Variants in LPIN2 observed in about 807,000 individuals in gnomAD.
The protein encoded by LPIN2 is phosphatidate phosphatase LPIN2.
LPIN2 carries 55 observed loss-of-function variants against 111.4 expected under a neutral mutation model. That is an observed-to-expected ratio of 0.49 (90% confidence interval 0.40 to 0.62). The LOEUF (loss-of-function observed/expected upper bound fraction) is 0.62. Among genes scored for constraint, LPIN2 ranks in the 20% least tolerant of loss-of-function variants. LPIN2 has a pLI of 0.00. For synonymous variants in LPIN2, 425 were observed against 414.0 expected (o/e 1.03, Z -0.32); for missense variants, 992 against 1,112.1 (o/e 0.89, Z 1.54).
chr18:2,966,720 G>A (rs1193946868), intron 1 of LPIN2, among the ~76,000 whole-genome samples: 3 of 152,158 alleles, frequency 2.0e-5, no homozygotes, highest in African/African-American at 7.2e-5. Flanking sequence ...GGAATCCAAA[G>A]AAGCCATACT....
At chr18:2,973,196 A>C (rs1431295320) in intron 1 of LPIN2, among the ~76,000 whole-genome samples, 2 of 152,036 alleles carry the variant, frequency 1.3e-5, no homozygotes, top group Non-Finnish European at 2.9e-5. Flanking sequence ...TTTTTCTTAA[A>C]ACAAAAAAAA....
intron 4 of LPIN2, among the ~76,000 whole-genome samples, chr18:2,947,813 T>C (rs1472067821): frequency 3.9e-5 from 6 of 152,206 alleles, no homozygotes; most frequent in African/African-American, 1.2e-4. Flanking sequence ...AAGCAATTGA[T>C]TTCCTTTTCT....
At chr18:2,986,251 A>G (rs549566905) in intron 1 of LPIN2, among the ~76,000 whole-genome samples, 5 of 152,350 alleles carry the variant, frequency 3.3e-5, no homozygotes, top group Non-Finnish European at 5.9e-5. Context: ...TTAACTGCTC[A>G]TTGGGTAATG....
intron 13 of LPIN2, among the ~76,000 whole-genome samples, chr18:2,926,371 G>A (rs1458443061): frequency 6.6e-6 from 1 of 152,148 alleles, no homozygotes; most frequent in East Asian, 1.9e-4. Context: ...TCCAGGAAAG[G>A]AAACCCACCC....
chr18:2,967,792 T>A (rs535193030), intron 1 of LPIN2: 1 of 152,230 alleles, frequency 6.6e-6, no homozygotes, highest in Non-Finnish European at 1.5e-5. Context: ...TACTTCCTGG[T>A]TATTTCTTTT....
intron 1 of LPIN2, among the ~76,000 whole-genome samples, chr18:2,984,165 A>G (rs142552814): frequency 2.0e-3 from 304 of 152,326 alleles, no homozygotes; most frequent in East Asian, 0.012. Context: ...AGGTTCATAT[A>G]ATAAAAACAT....
At chr18:2,984,806 C>T (rs2078163985) in intron 1 of LPIN2, among the ~76,000 whole-genome samples, 1 of 151,942 alleles carries the variant, frequency 6.6e-6, no homozygotes, top group South Asian at 2.1e-4. Flanking sequence ...GAGAAGAAGC[C>T]CCCCAGTTTC....
At chr18:2,928,548 T>C in intron 11 of LPIN2, 43 bp downstream of exon 11, 1 of 1,581,456 alleles carries the variant, frequency 6.3e-7, no homozygotes, top group Non-Finnish European at 8.7e-7. Context: ...TACTAGACAC[T>C]GCGGATGCTT....
chr18:2,933,794 C>T (rs1308502530), intron 8 of LPIN2, among the ~76,000 whole-genome samples: 1 of 152,066 alleles, frequency 6.6e-6, no homozygotes, highest in Non-Finnish European at 1.5e-5. Flanking sequence ...ATATTTGAGG[C>T]CCATATTTGA....
chr18:2,917,473 G>A lies in LPIN2; in HGVS notation c.*2820C>T, dbSNP rs900734314. On this transcript the variant is annotated 3_prime_UTR_variant, in exon 20 of 20. Transcript: ENST00000677752. Reference sequence around the variant, plus strand: ...GCAGTGCCAACTGTGGAAGGGCTGTGTGCAGGCCCCACAGTTGCAGGGGCT... The same window carrying A: ...GCAGTGCCAACTGTGGAAGGGCTGTATGCAGGCCCCACAGTTGCAGGGGCT... The A allele has an allele frequency of 5.6e-4, 86 of 152,364 alleles. No individual in the cohort carries two copies. Among genetic ancestry groups the A allele is most frequent in the African/African-American group, 1.9e-3 (81 of 41,584 alleles). The allele number at this position is 152,364 out of a possible 1,614,324, so 9.4% of individuals were successfully genotyped here.
intron 4 of LPIN2, among the ~76,000 whole-genome samples, chr18:2,947,268 T>G (rs1360419781): frequency 6.6e-6 from 1 of 152,112 alleles, no homozygotes; most frequent in Non-Finnish European, 1.5e-5. Context: ...ATATTTGCAC[T>G]CAAGATTATG....
intron 13 of LPIN2, among the ~76,000 whole-genome samples, 196 bp downstream of exon 13, chr18:2,926,527 G>T (rs1453259255): frequency 1.3e-5 from 2 of 150,092 alleles, no homozygotes; most frequent in Admixed American, 1.3e-4. Flanking sequence ...AGGAGGCAGG[G>T]TATTTATTTT....
intron 1 of LPIN2, among the ~76,000 whole-genome samples, chr18:2,963,133 G>A (rs937907122): frequency 1.3e-5 from 2 of 152,204 alleles, no homozygotes; most frequent in African/African-American, 4.8e-5. Flanking sequence ...ATATTGTGAA[G>A]GCTGGTAAAA....
intron 1 of LPIN2, chr18:2,985,263 GGT>G (rs2078171637): frequency 6.6e-6 from 1 of 152,152 alleles, no homozygotes; most frequent in Non-Finnish European, 1.5e-5. Flanking sequence ...CCATCTGCAA[GGT>G]GGCACTTTTC....
intron 1 of LPIN2, among the ~76,000 whole-genome samples, chr18:2,997,327 C>G (rs2078361037): frequency 6.6e-6 from 1 of 151,738 alleles, no homozygotes; most frequent in Non-Finnish European, 1.5e-5. Context: ...GGGTTTTACT[C>G]TGTTGGCCAG....
At chr18:2,940,985 T>C (rs1342883616) in intron 4 of LPIN2, among the ~76,000 whole-genome samples, 1 of 152,170 alleles carries the variant, frequency 6.6e-6, no homozygotes, top group African/African-American at 2.4e-5. Flanking sequence ...ATTCAAAGGC[T>C]AAAAGAAAAC....
intron 1 of LPIN2, among the ~76,000 whole-genome samples, chr18:2,968,831 G>C (rs558888420): frequency 6.6e-6 from 1 of 152,150 alleles, no homozygotes. Flanking sequence ...TCAGGGAAGC[G>C]ACAGGATTAG....
At chr18:2,936,024 T>A (rs2077280831) in intron 7 of LPIN2, among the ~76,000 whole-genome samples, 1 of 152,214 alleles carries the variant, frequency 6.6e-6, no homozygotes, top group Non-Finnish European at 1.5e-5. Flanking sequence ...GCATAACAAG[T>A]GGCTACAGGC....
At chr18:2,960,896 T>A (rs746396829) in intron 1 of LPIN2, 47 bp from the exon 2 acceptor site, 19 of 1,470,940 alleles carry the variant, frequency 1.3e-5, no homozygotes, top group Middle Eastern at 3.4e-4. Flanking sequence ...AAATTTGTGA[T>A]CTATTGACAA....
Sources: allele counts gnomAD v4.1 joint callset (sites outside exome capture counted in the v4.1 genomes callset), GRCh38; gene constraint gnomAD v4.1.1; transcripts MANE v1.5; gene names NCBI Gene and HGNC (gene_info 2026-07-23, HGNC 2026-07-21).